The following PPAT variants were observed in gnomAD, a reference collection of about 807,000 sequenced individuals.
The protein encoded by PPAT is amidophosphoribosyltransferase.
PPAT carries 20 observed loss-of-function variants against 60.2 expected under a neutral mutation model. The observed-to-expected ratio is 0.33, with a 90% CI of 0.23 to 0.48. The LOEUF is 0.48. Among genes scored for constraint, PPAT ranks in the 20% least tolerant of loss-of-function variants. The probability of loss-of-function intolerance (pLI) is 0.99; values close to 1 mark genes in which losing one functional copy is unlikely to be tolerated. For missense variants in PPAT, 349 were observed against 629.6 expected (o/e 0.55, Z 4.77); for synonymous variants, 194 against 215.1 (o/e 0.90, Z 0.86).
At chr4:56,435,202 A>C (rs1717833773) in intron 1 of PPAT, 148 bp downstream of exon 1, 1 of 1,200,592 alleles carries the variant, frequency 8.3e-7, no homozygotes. Context: ...ACGCCTAGGC[A>C]ACCCGGTCGA....
At chr4:56,433,455 A>T (rs777323486) in intron 1 of PPAT, among the ~76,000 whole-genome samples, 41 of 151,586 alleles carry the variant, frequency 2.7e-4, no homozygotes, top group Non-Finnish European at 4.9e-4. Flanking sequence ...TATTTTCCTA[A>T]ACTGGGTACT....
chr4:56,410,859 A>C, intron 1 of PPAT: 7 of 972,360 alleles, frequency 7.2e-6, no homozygotes, highest in Non-Finnish European at 8.5e-6. Flanking sequence ...AGGTACCTGG[A>C]AACGCTCAGC....
At chr4:56,423,935 C>T (rs1018242564) in intron 1 of PPAT, among the ~76,000 whole-genome samples, 13 of 152,028 alleles carry the variant, frequency 8.6e-5, no homozygotes, top group African/African-American at 2.9e-4. Flanking sequence ...TGTAATAGAA[C>T]GTAGTATTGA....
chr4:56,417,734 C>A (rs1716831757), intron 1 of PPAT, among the ~76,000 whole-genome samples: 1 of 152,072 alleles, frequency 6.6e-6, no homozygotes, highest in Admixed American at 6.5e-5. Flanking sequence ...CTGCAGTGAG[C>A]CATGACTGTG....
intron 7 of PPAT, 88 bp from the exon 8 acceptor site, chr4:56,400,999 G>T: frequency 7.7e-7 from 1 of 1,305,302 alleles, no homozygotes. Flanking sequence ...GAATTCTACA[G>T]ATTGAGTATA....
At chr4:56,402,816 T>G (rs1578115196) in intron 5 of PPAT, among the ~76,000 whole-genome samples, 1 of 68,110 alleles carries the variant, frequency 1.5e-5, no homozygotes, top group Non-Finnish European at 2.4e-5. Context: ...TGAAACTCGG[T>G]CTCCAAAAAA....
chr4:56,399,965 A>C (rs1716072025), intron 8 of PPAT: 1 of 152,350 alleles, frequency 6.6e-6, no homozygotes, highest in Non-Finnish European at 1.5e-5. Flanking sequence ...AAATGAACAT[A>C]AACAGCTTTA....
At chr4:56,407,524 G>A in intron 2 of PPAT, 126 bp downstream of exon 2, 2 of 682,410 alleles carry the variant, frequency 2.9e-6, no homozygotes, top group South Asian at 3.3e-5. Context: ...CTCCATGTTG[G>A]TCAGGCTGGT....
At chr4:56,409,778 A>G (rs144376477) in intron 1 of PPAT, among the ~76,000 whole-genome samples, 94 of 152,378 alleles carry the variant, frequency 6.2e-4, no homozygotes, top group Admixed American at 1.9e-3. Flanking sequence ...AACCTCTTCC[A>G]TATGTGCCTG....
At chr4:56,417,983 G>A (rs1436318979) in intron 1 of PPAT, among the ~76,000 whole-genome samples, 1 of 151,776 alleles carries the variant, frequency 6.6e-6, no homozygotes, top group Non-Finnish European at 1.5e-5. Flanking sequence ...GGGATTACAG[G>A]TGTGCACCAC....
chr4:56,401,104 T>G (rs1440439071), intron 7 of PPAT, among the ~76,000 whole-genome samples, 193 bp from the exon 8 acceptor site: 1 of 152,130 alleles, frequency 6.6e-6, no homozygotes, highest in Non-Finnish European at 1.5e-5. Flanking sequence ...GACCTTCATA[T>G]AGATCTAGAA....
intron 1 of PPAT, chr4:56,429,028 G>C: frequency 1.2e-6 from 1 of 840,208 alleles, no homozygotes; most frequent in Non-Finnish European, 1.4e-6. Context: ...GAAATAACAA[G>C]TTCTTCCACA....
At position 56,420,534 on chromosome 4, in the gene PPAT, T is replaced by C. The variant is rs957202394; in HGVS notation, c.129-12818A>G. Reference sequence around the variant, plus strand: ...TGAATTTATTATGAAACAGATTTAGTATACATTTGATCTTCCCCAGAATAG... The same window carrying C: ...TGAATTTATTATGAAACAGATTTAGCATACATTTGATCTTCCCCAGAATAG... On this transcript the variant is annotated intron_variant, in intron 1 of 10. Coordinates refer to ENST00000264220, the MANE Select transcript of PPAT (RefSeq NM_002703.5). 7 of 152,206 alleles carry C rather than the reference T, an allele frequency of 4.6e-5. 1 individual carries two copies. The highest frequency in any genetic ancestry group is 2.0e-4 in the Admixed American group (3 of 15,278). 9.4% of individuals were successfully genotyped at this position (152,206 alleles called of 1,614,324 possible).
In PPAT at chr4:56,424,476, C is replaced by T. The variant is rs114285729; in HGVS notation, c.128+10874G>A. 4.2e-3 allele frequency among the ~76,000 whole-genome samples: 639 copies of T among 152,062 alleles called. 2 individuals are homozygous for T. The highest frequency in any genetic ancestry group is 6.3e-3 in the Non-Finnish European group (426 of 67,964). On this transcript the variant is annotated intron_variant, in intron 1 of 10. Coordinates refer to ENST00000264220, the MANE Select transcript of PPAT (RefSeq NM_002703.5). Reference sequence around the variant, plus strand: ...TCAGGGAAGAAAAATTTGCTAATGCCGATAGATTATCACTTAAAAATTAAT... The same window carrying T: ...TCAGGGAAGAAAAATTTGCTAATGCTGATAGATTATCACTTAAAAATTAAT...
intron 1 of PPAT, chr4:56,421,841 C>T (rs1717053558): frequency 6.6e-6 from 1 of 151,998 alleles, no homozygotes; most frequent in South Asian, 2.1e-4. Flanking sequence ...TTAGTTATGT[C>T]AGAAGACTTA....
In PPAT at chr4:56,395,428, C is replaced by A. The variant is rs767352428; in HGVS notation, c.1478G>T (p.Gly493Val). 2 of 1,611,716 alleles carry A rather than the reference C, an allele frequency of 1.2e-6. No homozygotes were observed. The highest frequency in any genetic ancestry group is 1.7e-5 in the Admixed American group (1 of 59,808). ...ACCACTCTTTTCAAAACATTCCAGACCATTTCCATTTTCTTGGATCATAAT... is the reference window on the plus strand; with the variant it reads ...ACCACTCTTTTCAAAACATTCCAGAACATTTCCATTTTCTTGGATCATAAT... ...HDIMIQENGN[G>V]LECFEKSGHC... Residue 493 changes from glycine to valine, a missense_variant, in exon 11 of 11, where the codon GGT becomes GTT. By Grantham distance (109) the Gly-to-Val change is moderately radical (BLOSUM62 -3). Coordinates refer to ENST00000264220, the MANE Select transcript of PPAT (RefSeq NM_002703.5).
In PPAT at chr4:56,396,546, A is replaced by G; in HGVS notation, c.1357+73T>C. 7.1e-7 allele frequency: 1 copy of G among 1,402,024 alleles called. No homozygotes were observed. The highest frequency in any genetic ancestry group is 2.0e-5 in the Admixed American group (1 of 49,514). 86.8% of individuals were successfully genotyped at this position (1,402,024 alleles called of 1,614,324 possible). A position where few individuals can be genotyped will look rare whatever the true frequency, so the allele number is the denominator to read the frequency against. Reference sequence around the variant, plus strand: ...CAAACACTGAATACTCCTTTTTACTAAAGGTGTAAAGACTGTCAAGCTTTG... The same window carrying G: ...CAAACACTGAATACTCCTTTTTACTGAAGGTGTAAAGACTGTCAAGCTTTG... On this transcript the variant is annotated intron_variant, in intron 10 of 10. Coordinates refer to ENST00000264220, the MANE Select transcript of PPAT (RefSeq NM_002703.5). This position sits in a 1 kb window ranked among gnomAD's most constrained non-coding sequence, Gnocchi z 4.6.
chr4:56,403,275 A>G lies in PPAT; in HGVS notation c.515+14T>C. 6.2e-7 allele frequency: 1 copy of G among 1,605,586 alleles called. No homozygotes were observed. Among genetic ancestry groups the G allele is most frequent in the African/African-American group, 1.3e-5 (1 of 74,846 alleles). On this transcript the variant is annotated intron_variant, in intron 4 of 10. Transcript: ENST00000264220. ...CTTACTAGAGCTCTAAGTTTAGTCCAGTTCTCTGCTTACCTGGCTACCCAG... is the reference window on the plus strand; with the variant it reads ...CTTACTAGAGCTCTAAGTTTAGTCCGGTTCTCTGCTTACCTGGCTACCCAG...
rs114833088 is a variant in PPAT at position 56,410,680 on chromosome 4, C to T, written c.129-2964G>A. The T allele has an allele frequency of 6.1e-3, 5,977 of 986,200 alleles. 292 individuals are homozygous for T. In the African/African-American group the frequency reaches 0.095, roughly 16 times the overall value. The allele number at this position is 986,200 out of a possible 1,614,324, so 61.1% of individuals were successfully genotyped here. A position where few individuals can be genotyped will look rare whatever the true frequency, so the allele number is the denominator to read the frequency against. On this transcript the variant is annotated intron_variant, in intron 1 of 10. Coordinates refer to ENST00000264220, the MANE Select transcript of PPAT (RefSeq NM_002703.5). ...TGCAATCATTAGGAGTATACAGAGA[C>T]TGGAAACAGTGCTGGGCTAAGTACA...
Sources: allele counts gnomAD v4.1 joint callset (sites outside exome capture counted in the v4.1 genomes callset), GRCh38; gene constraint gnomAD v4.1.1; non-coding constraint Gnocchi (gnomAD v3.1); transcripts MANE v1.5; gene names NCBI Gene and HGNC (gene_info 2026-07-23, HGNC 2026-07-21).